Variants in RB1 observed in about 807,000 individuals in gnomAD.
RB1 encodes the protein retinoblastoma-associated protein.
In RB1, 18 loss-of-function variants were observed where a neutral mutation model predicts 135.4. The ratio of observed to expected loss-of-function variants is 0.13; its 90% confidence interval spans 0.09 to 0.20. RB1 has a LOEUF of 0.20. RB1 is among the 10% of genes least tolerant of loss of function. The pLI is 1.00. For missense variants in RB1, 868 were observed against 1,110.0 expected, an observed-to-expected ratio of 0.78 and a Z score of 3.10; for synonymous variants, 365 against 373.2, an observed-to-expected ratio of 0.98 and a Z score of 0.25.
intron 2 of RB1, among the ~76,000 whole-genome samples, chr13:48,334,214 G>C (rs74075921): frequency 0.021 from 3,155 of 152,258 alleles, 98 homozygotes; most frequent in African/African-American, 0.072. Flanking sequence ...TTTCAAAAAT[G>C]TGATTGAGTA....
rs748294918 is a variant in RB1 at position 48,476,683 on chromosome 13, G to T, written c.2521-18G>T. 4 of 1,608,390 alleles carry T rather than the reference G, an allele frequency of 2.5e-6. No homozygotes were observed. In the Admixed American group the frequency reaches 6.7e-5, roughly 27 times the overall value. ...CTGGCATTTAATGATTTAAAGTAAA[G>T]AATTCTGTAATTTGTAGACTTCTGA... On this transcript the variant is annotated intron_variant, in intron 24 of 26. Coordinates refer to ENST00000267163, the MANE Select transcript of RB1 (RefSeq NM_000321.3).
rs9591158 is a variant in RB1, at chr13:48,336,928, T to C, written c.265-5671T>C. 7.4e-4 allele frequency among the ~76,000 whole-genome samples: 112 copies of C among 152,338 alleles called. 1 individual carries two copies. Among genetic ancestry groups the C allele is most frequent in the African/African-American group, 2.6e-3 (108 of 41,584 alleles). On this transcript the variant is annotated intron_variant, in intron 2 of 26. Coordinates refer to ENST00000267163, the MANE Select transcript of RB1 (RefSeq NM_000321.3). ...AAGAACATCTTTATTTCTGCCTTCA[T>C]TTCGTTATGTACCCAGTAGTCATTC...
chr13:48,317,110 G>A (rs749068627), intron 2 of RB1: 29 of 906,008 alleles, frequency 3.2e-5, no homozygotes, highest in Middle Eastern at 4.3e-4. Context: ...AGCAAGTGTG[G>A]GCTTCCAAAG....
chr13:48,334,338 A>G (rs1198824845), intron 2 of RB1, among the ~76,000 whole-genome samples: 1 of 152,230 alleles, frequency 6.6e-6, no homozygotes. Flanking sequence ...CATATTATAC[A>G]GGTGAAATTT....
At chr13:48,384,254 ATTTAGTCATATATT>A (rs978545908) in intron 17 of RB1, among the ~76,000 whole-genome samples, 1 of 152,070 alleles carries the variant, frequency 6.6e-6, no homozygotes, top group African/African-American at 2.4e-5. Context: ...GAGGACTTTT[ATTTAGTCATATATT>A]TTTAGTGTTT....
chr13:48,436,624 CAA>C (rs1288043582), intron 17 of RB1, among the ~76,000 whole-genome samples: 3 of 149,830 alleles, frequency 2.0e-5, no homozygotes, highest in Non-Finnish European at 4.5e-5. Context: ...GCCTGGGTGA[CAA>C]GAGCAAGACT....
At chr13:48,479,397 T>C (rs889066833) in intron 26 of RB1, among the ~76,000 whole-genome samples, 2 of 152,224 alleles carry the variant, frequency 1.3e-5, no homozygotes, top group Non-Finnish European at 2.9e-5. Flanking sequence ...CTGAAGTATA[T>C]GCCAAGCATC....
intron 2 of RB1, among the ~76,000 whole-genome samples, chr13:48,332,163 T>C (rs1024986518): frequency 2.6e-5 from 4 of 152,310 alleles, no homozygotes; most frequent in Admixed American, 2.6e-4. Flanking sequence ...CATTTATATG[T>C]AAAATCTTTA....
At chr13:48,413,509 C>T (rs1406857431) in intron 17 of RB1, among the ~76,000 whole-genome samples, 2 of 152,160 alleles carry the variant, frequency 1.3e-5, no homozygotes, top group African/African-American at 4.8e-5. Context: ...GATATCTTAA[C>T]ATAGCATTTC....
intron 2 of RB1, chr13:48,316,725 ACACACACAC>A: frequency 9.8e-4 from 1 of 1,024 alleles, no homozygotes; most frequent in East Asian, 0.016. Context: ...ACCATCACAC[ACACACACAC>A]ACACACACAC....
chr13:48,310,644 A>AT (rs966816829), intron 2 of RB1, among the ~76,000 whole-genome samples: 17 of 150,872 alleles, frequency 1.1e-4, no homozygotes, highest in East Asian at 7.7e-4. Flanking sequence ...TCATTGATGT[A>AT]TTTTTTTTTA....
rs1331464408 is a variant in RB1 at position 48,404,920 on chromosome 13, G to A, written c.1695+23477G>A. Among the ~76,000 whole-genome samples the A allele has an allele frequency of 2.0e-5, 3 of 152,124 alleles. No individual in the cohort carries two copies. In the East Asian group the frequency reaches 5.8e-4, roughly 29 times the overall value. ...GGGGAATGAGATCCAGATCAGCACA[G>A]AAGTTCTCATTAGGAATACTGGATA... is the stretch of plus-strand genomic sequence containing the variant. On this transcript the variant is annotated intron_variant, in intron 17 of 26. Transcript: ENST00000267163.
intron 2 of RB1, among the ~76,000 whole-genome samples, chr13:48,321,400 C>T (rs926770227): frequency 1.3e-4 from 19 of 147,504 alleles, no homozygotes; most frequent in Admixed American, 7.3e-4. Flanking sequence ...CCTCCCCGCG[C>T]GCCGCTGCCA....
intron 17 of RB1, chr13:48,391,361 CAA>C (rs1948609274): frequency 6.6e-6 from 1 of 152,102 alleles, no homozygotes; most frequent in Non-Finnish European, 1.5e-5. Context: ...GAATTCAAAA[CAA>C]GAGAAAAAAG....
chr13:48,457,926 AAGTATAC>A (rs1949371321), intron 19 of RB1, among the ~76,000 whole-genome samples: 1 of 152,154 alleles, frequency 6.6e-6, no homozygotes, highest in Admixed American at 6.5e-5. Flanking sequence ...CCCGGCCCCC[AAGTATAC>A]AGAGATGCCT....
chr13:48,337,841 T>C (rs928260572), intron 2 of RB1, among the ~76,000 whole-genome samples: 3 of 152,202 alleles, frequency 2.0e-5, no homozygotes, highest in Admixed American at 6.5e-5. Flanking sequence ...CCATGTTTAG[T>C]GCTTCCTTCA....
intron 1 of RB1, among the ~76,000 whole-genome samples, chr13:48,304,413 T>C (rs570582341): frequency 6.6e-6 from 1 of 152,244 alleles, no homozygotes; most frequent in African/African-American, 2.4e-5. Flanking sequence ...TGGGAGAGTT[T>C]TTCACCGGAG....
intron 2 of RB1, among the ~76,000 whole-genome samples, chr13:48,308,184 T>C (rs1334065646): frequency 6.6e-6 from 1 of 151,296 alleles, no homozygotes; most frequent in East Asian, 1.9e-4. Flanking sequence ...ACTGGGGCAA[T>C]AGTATAAGAA....
At chr13:48,317,281 A>G (rs1952192925) in intron 2 of RB1, 2 of 398,502 alleles carry the variant, frequency 5.0e-6, no homozygotes, top group South Asian at 5.5e-5. Flanking sequence ...GAAGCCCACA[A>G]GGGGTAGGCT....
Sources: allele counts gnomAD v4.1 joint callset (sites outside exome capture counted in the v4.1 genomes callset), GRCh38; gene constraint gnomAD v4.1.1; transcripts MANE v1.5; gene names NCBI Gene and HGNC (gene_info 2026-07-23, HGNC 2026-07-21).